The following PPARD variants were observed in gnomAD, a reference collection of about 807,000 sequenced individuals.
The protein encoded by PPARD is peroxisome proliferator-activated receptor delta.
Under a neutral mutation model 39.5 loss-of-function variants are expected in PPARD, and 6 were observed. That is an observed-to-expected ratio of 0.15 (90% CI 0.08 to 0.30). PPARD has a LOEUF of 0.30. Among genes scored for constraint, PPARD ranks in the 10% least tolerant of loss-of-function variants. PPARD has a pLI of 1.00. For missense variants in PPARD, 397 were observed against 596.8 expected, an observed-to-expected ratio of 0.67 and a Z score of 3.49; for synonymous variants, 210 against 231.3, an observed-to-expected ratio of 0.91 and a Z score of 0.83.
intron 2 of PPARD, among the ~76,000 whole-genome samples, chr6:35,365,130 C>CCTTTTTTTTTTTTTTTTTT (rs1281072287): frequency 1.7e-5 from 2 of 121,086 alleles, no homozygotes; most frequent in African/African-American, 6.9e-5. Flanking sequence ...CTTCCTTATT[C>CCTTTTTTTTTTTTTTTTTT]TTTTTTTTTT....
chr6:35,353,547 A>C (rs1466441015), intron 2 of PPARD, among the ~76,000 whole-genome samples: 1 of 152,252 alleles, frequency 6.6e-6, no homozygotes, highest in East Asian at 1.9e-4. Flanking sequence ...AGCATAAATT[A>C]TTCAAAAATA....
At chr6:35,376,268 G>A (rs951578324) in intron 2 of PPARD, among the ~76,000 whole-genome samples, 4 of 152,046 alleles carry the variant, frequency 2.6e-5, no homozygotes, top group East Asian at 1.9e-4. Flanking sequence ...TGGCTTTCTC[G>A]TTTTCTCTAC....
rs757329053 is a variant in PPARD, at chr6:35,424,549, A to G, written c.848A>G (p.Lys283Arg). The G allele has an allele frequency of 3.7e-6, 6 of 1,614,124 alleles. No homozygotes were observed. In the East Asian group the frequency reaches 1.3e-4, roughly 36 times the overall value. Residue 283 changes from lysine to arginine, a missense_variant, in exon 7 of 8, where the codon AAG becomes AGG. Physicochemically the swap from Lys to Arg is conservative, Grantham distance 26 (BLOSUM62 2). Transcript: ENST00000360694. The surrounding 1 kb of genome is among the most constrained non-coding windows in gnomAD (Gnocchi z 7.1). The stretch of plus-strand genomic sequence containing the variant: ...CTCAACGACCAGGTTACCCTTCTCA[A>G]GTATGGCGTGCACGAGGCCATCTTC... ...LFLNDQVTLL[K>R]YGVHEAIFAM... is the part of the protein sequence containing the mutation.
At chr6:35,395,309 G>A (rs961548173) in intron 2 of PPARD, among the ~76,000 whole-genome samples, 3 of 152,158 alleles carry the variant, frequency 2.0e-5, no homozygotes, top group African/African-American at 7.2e-5. Flanking sequence ...TCTAATGACA[G>A]GTCAGGAGCA....
intron 3 of PPARD, among the ~76,000 whole-genome samples, chr6:35,418,760 G>A (rs982349561): frequency 6.6e-6 from 1 of 152,162 alleles, no homozygotes; most frequent in Non-Finnish European, 1.5e-5. Context: ...GGACAAGACA[G>A]GCCATTTTAG....
chr6:35,371,946 C>G (rs1762502310), intron 2 of PPARD, among the ~76,000 whole-genome samples: 2 of 152,254 alleles, frequency 1.3e-5, no homozygotes, highest in South Asian at 2.1e-4. Flanking sequence ...GCCCTTTCCA[C>G]TAACTCCTAG....
At chr6:35,384,270 GC>G (rs1161188691) in intron 2 of PPARD, among the ~76,000 whole-genome samples, 53 of 130,210 alleles carry the variant, frequency 4.1e-4, no homozygotes, top group Non-Finnish European at 4.1e-4. Context: ...GGTAGGTTCA[GC>G]CCCCCGCCAG....
At chr6:35,380,472 GTTTGTTTTTTT>G (rs1763083308) in intron 2 of PPARD, among the ~76,000 whole-genome samples, 3 of 31,322 alleles carry the variant, frequency 9.6e-5, no homozygotes, top group African/African-American at 2.1e-4. Flanking sequence ...TTTTTTTTTT[GTTTGTTTTTTT>G]TTTTTTTTTT....
At chr6:35,383,561 C>A (rs1024334802) in intron 2 of PPARD, among the ~76,000 whole-genome samples, 2 of 145,768 alleles carry the variant, frequency 1.4e-5, no homozygotes, top group Non-Finnish European at 3.0e-5. Flanking sequence ...CTCCGACCGG[C>A]CGCCATCCCA....
rs933179163 is a variant in PPARD at position 35,370,750 on chromosome 6, C to T, written c.-102+23600C>T. Among the ~76,000 whole-genome samples the T allele has an allele frequency of 9.2e-5, 14 of 152,172 alleles. No individual in the cohort carries two copies. In the South Asian group the frequency reaches 2.9e-3, roughly 31 times the overall value. On this transcript the variant is annotated intron_variant, in intron 2 of 7. Transcript: ENST00000360694. Reference sequence around the variant, plus strand: ...CATGGGTTTCACAGCAGTTCTTCTCCCCAAGATGAGTTGTGGTAACTGCTT... The same window carrying T: ...CATGGGTTTCACAGCAGTTCTTCTCTCCAAGATGAGTTGTGGTAACTGCTT...
At chr6:35,421,398 C>T (rs765543397) in intron 4 of PPARD, among the ~76,000 whole-genome samples, 11 of 151,738 alleles carry the variant, frequency 7.2e-5, no homozygotes, top group Admixed American at 1.3e-4. Context: ...AGTGTAATGG[C>T]GCGATCTTGG....
rs545309317 is a variant in PPARD, at chr6:35,345,541, G to A, written c.-185-1526G>A. Among the ~76,000 whole-genome samples the A allele has an allele frequency of 2.0e-5, 3 of 152,278 alleles. No individual in the cohort carries two copies. In the East Asian group the frequency reaches 5.8e-4, roughly 29 times the overall value. On this transcript the variant is annotated intron_variant, in intron 1 of 7. Transcript: ENST00000360694. Reference sequence around the variant, plus strand: ...GTCCTCCTCACCTTGGCCTCTCAGAGCACTGAGATTACACTGACTGCTCGT... The same window carrying A: ...GTCCTCCTCACCTTGGCCTCTCAGAACACTGAGATTACACTGACTGCTCGT...
At position 35,413,144 on chromosome 6, in the gene PPARD, G is replaced by A. The variant is rs76302922; in HGVS notation, c.130+1927G>A. On this transcript the variant is annotated intron_variant, in intron 3 of 7. Transcript: ENST00000360694. The stretch of plus-strand genomic sequence containing the variant: ...CCTCCACACCCCTTCTTGGGACCAG[G>A]GCTGTTTCCCAAATAGCATCACTGT... Among the ~76,000 whole-genome samples the A allele has an allele frequency of 1.7e-3, 253 of 152,308 alleles. 1 individual carries two copies. The highest frequency in any genetic ancestry group is 5.4e-3 in the African/African-American group (225 of 41,560).
chr6:35,358,972 C>T (rs915905300), intron 2 of PPARD, among the ~76,000 whole-genome samples: 10 of 152,162 alleles, frequency 6.6e-5, no homozygotes, highest in African/African-American at 2.2e-4. Context: ...CTCTAGAAAA[C>T]TAAGCAGAAA....
chr6:35,355,343 A>G (rs1007318447), intron 2 of PPARD, among the ~76,000 whole-genome samples: 1 of 151,842 alleles, frequency 6.6e-6, no homozygotes, highest in Non-Finnish European at 1.5e-5. Context: ...CCAGCACACC[A>G]GAGTTCAAGA....
At chr6:35,364,061 C>T (rs1355035290) in intron 2 of PPARD, among the ~76,000 whole-genome samples, 2 of 152,088 alleles carry the variant, frequency 1.3e-5, no homozygotes, top group Non-Finnish European at 2.9e-5. Flanking sequence ...CTTTACCTGT[C>T]AGCAGTTACT....
At chr6:35,418,095 T>G (rs1395718410) in intron 3 of PPARD, among the ~76,000 whole-genome samples, 1 of 151,618 alleles carries the variant, frequency 6.6e-6, no homozygotes, top group Non-Finnish European at 1.5e-5. Flanking sequence ...AGCTCAGAGA[T>G]CCAAAGGGAA....
intron 2 of PPARD, among the ~76,000 whole-genome samples, chr6:35,389,948 G>C (rs9658106): frequency 2.9e-3 from 442 of 152,266 alleles, no homozygotes; most frequent in African/African-American, 9.7e-3. Flanking sequence ...TGGAACCAGA[G>C]GGCAGAACCC....
At chr6:35,370,031 A>G (rs1320144760) in intron 2 of PPARD, among the ~76,000 whole-genome samples, 1 of 152,236 alleles carries the variant, frequency 6.6e-6, no homozygotes. Flanking sequence ...AAGTTGTACT[A>G]ATTTACCCTC....
Sources: gnomAD v4.1 joint callset for allele counts (sites outside exome capture counted in the v4.1 genomes callset) on GRCh38, gnomAD v4.1.1 for gene constraint, Gnocchi (gnomAD v3.1) non-coding constraint, MANE v1.5 for transcripts, NCBI Gene and HGNC (gene_info 2026-07-23, HGNC 2026-07-21) for gene names.